The following CUX2 variants were observed in gnomAD, a reference collection of about 807,000 sequenced individuals.
The protein encoded by CUX2 is homeobox protein cut-like 2.
A neutral mutation model predicts 144.8 loss-of-function variants in CUX2; 40 were observed. The observed-to-expected ratio is 0.28, with a 90% CI of 0.21 to 0.36. The LOEUF is 0.36. Ranked by LOEUF, CUX2 falls within the 10% of genes least tolerant of loss-of-function variation. The pLI is 1.00. For missense variants in CUX2, 1,615 were observed against 1,994.0 expected, an observed-to-expected ratio of 0.81 and a Z score of 3.62; for synonymous variants, 827 against 875.6, an observed-to-expected ratio of 0.94 and a Z score of 0.98.
intron 1 of CUX2, among the ~76,000 whole-genome samples, chr12:111,138,826 C>T (rs533537209): frequency 6.6e-6 from 1 of 152,160 alleles, no homozygotes; most frequent in South Asian, 2.1e-4. Context: ...AAAGCCTGGC[C>T]CGCTTCCCTC....
rs756580704 is a variant in CUX2 at position 111,348,104 on chromosome 12, C to T, written c.4240C>T (p.Pro1414Ser). 6 of 1,613,992 alleles carry T rather than the reference C, an allele frequency of 3.7e-6. No individual in the cohort carries two copies. The South Asian group carries it at 5.5e-5, about 15-fold the overall frequency. ...CCTCATGATGTCTGTGTCACCTGTC[C>T]CCTCCTCCTCAGCTCCCATCTCCCC... ...PGLMMSVSPV[P>S]SSSAPISPSP... The change falls in exon 22 of 22, where the codon CCC becomes TCC. Residue 1414 changes from proline (P) to serine (S), a missense_variant. Coordinates refer to ENST00000261726, the MANE Select transcript of CUX2 (RefSeq NM_015267.4).
chr12:111,100,220 T>C, intron 1 of CUX2: 1 of 362,260 alleles, frequency 2.8e-6, no homozygotes, highest in South Asian at 2.1e-5. Context: ...TGTGTGCTTG[T>C]GTCTGTGTGT....
At position 111,287,295 on chromosome 12, in the gene CUX2, G is replaced by A. The variant is rs187228781; in HGVS notation, c.302-4123G>A. On this transcript the variant is annotated intron_variant, in intron 4 of 21. Transcript: ENST00000261726. The surrounding 1 kb of genome is among the most constrained non-coding windows in gnomAD (Gnocchi z 4.2). ...CAGCAGGGCCCCTGGGCCACGAGCC[G>A]GATCCTCCCCCTCCTTGGAACCGGA... 3.3e-5 allele frequency among the ~76,000 whole-genome samples: 5 copies of A among 152,368 alleles called. No individual in the cohort carries two copies. Among genetic ancestry groups the A allele is most frequent in the South Asian group, 2.1e-4 (1 of 4,834 alleles).
intron 15 of CUX2, among the ~76,000 whole-genome samples, chr12:111,311,372 C>T (rs555705838): frequency 7.9e-5 from 12 of 152,254 alleles, no homozygotes; most frequent in African/African-American, 2.9e-4. Context: ...ACTGCAACCT[C>T]TGCCTCCTGG....
At chr12:111,334,396 G>A (rs1440313060) in intron 18 of CUX2, 45 bp from the exon 19 acceptor site, 2 of 1,529,824 alleles carry the variant, frequency 1.3e-6, no homozygotes, top group South Asian at 2.6e-5. Flanking sequence ...GGATGTGTCT[G>A]TGCCAGATTA....
intron 18 of CUX2, among the ~76,000 whole-genome samples, chr12:111,328,518 T>C (rs974422908): frequency 1.3e-5 from 2 of 151,738 alleles, no homozygotes; most frequent in Non-Finnish European, 2.9e-5. Context: ...CCTGTCCCCA[T>C]ACACAGTCCC....
At chr12:111,327,781 G>T (rs1887887285) in intron 18 of CUX2, among the ~76,000 whole-genome samples, 1 of 152,170 alleles carries the variant, frequency 6.6e-6, no homozygotes, top group Non-Finnish European at 1.5e-5. Context: ...CCAAGGCTAG[G>T]CACAGTGCGT....
chr12:111,336,730 G>C (rs558837961), intron 19 of CUX2, among the ~76,000 whole-genome samples: 1 of 152,014 alleles, frequency 6.6e-6, no homozygotes, highest in African/African-American at 2.4e-5. Flanking sequence ...TTACAGGTGT[G>C]AGCCACCGTG....
In CUX2 at chr12:111,246,508, T is replaced by G. The variant is rs555899577; in HGVS notation, c.223-17253T>G. On this transcript the variant is annotated intron_variant, in intron 3 of 21. Transcript: ENST00000261726. The surrounding 1 kb of genome is among the most constrained non-coding windows in gnomAD (Gnocchi z 4.0). ...TTATAATGGGGGAACGTGACACTAC[T>G]GTGGCCACATCTTCCAATTCTTCCA... Among the ~76,000 whole-genome samples the G allele has an allele frequency of 1.3e-5, 2 of 152,342 alleles. No individual in the cohort carries two copies. The highest frequency in any genetic ancestry group is 6.5e-5 in the Admixed American group (1 of 15,302).
At chr12:111,055,699 G>C (rs1004015735) in intron 1 of CUX2, among the ~76,000 whole-genome samples, 1 of 152,040 alleles carries the variant, frequency 6.6e-6, no homozygotes, top group East Asian at 1.9e-4. Context: ...GAGCTTGCCC[G>C]ACTGCCCCAG....
At chr12:111,292,432 A>C (rs1284006145) in intron 5 of CUX2, among the ~76,000 whole-genome samples, 2 of 152,140 alleles carry the variant, frequency 1.3e-5, no homozygotes, top group African/African-American at 2.4e-5. Flanking sequence ...TCTACTAAAA[A>C]TACAAAAATT....
intron 3 of CUX2, among the ~76,000 whole-genome samples, chr12:111,258,872 C>CT: frequency 6.6e-6 from 1 of 152,112 alleles, no homozygotes; most frequent in African/African-American, 2.4e-5. Flanking sequence ...GATTATTTTT[C>CT]TTTTTTTGAA....
At chr12:111,161,152 C>G (rs374338290) in intron 1 of CUX2, among the ~76,000 whole-genome samples, 1 of 152,114 alleles carries the variant, frequency 6.6e-6, no homozygotes, top group Non-Finnish European at 1.5e-5. Flanking sequence ...GAGCCAGAGC[C>G]CTGGATCACT....
rs1227047616 is a variant in CUX2 at position 111,328,941 on chromosome 12, ATCTCTC to A, written c.2927-5471_2927-5466del. On this transcript the variant is annotated intron_variant, in intron 18 of 21. Transcript: ENST00000261726. ...CACTCTGCATTTTTTTGATTCACCT[ATCTCTC>A]TCTCTCTCTCTCTCTCTCTCTCTCT... 7.8e-3 allele frequency among the ~76,000 whole-genome samples: 226 copies of A among 28,986 alleles called. 2 individuals are homozygous for A. The highest frequency in any genetic ancestry group is 0.051 in the African/African-American group (194 of 3,768). The allele number at this position is 28,986 out of a possible 152,430, so 19.0% of individuals were successfully genotyped here.
At chr12:111,099,481 T>A (rs1263158171) in intron 1 of CUX2, 4 of 452,160 alleles carry the variant, frequency 8.8e-6, no homozygotes, top group African/African-American at 6.0e-5. Flanking sequence ...CTGGGAGGTA[T>A]GAGGTGAGAC....
chr12:111,318,907 T>G (rs1343582557), intron 16 of CUX2, among the ~76,000 whole-genome samples: 1 of 151,982 alleles, frequency 6.6e-6, no homozygotes, highest in Non-Finnish European at 1.5e-5. Context: ...TCAGACAATT[T>G]GACTGCCTCA....
chr12:111,339,284 T>G (rs1888484782), intron 20 of CUX2, among the ~76,000 whole-genome samples: 1 of 151,912 alleles, frequency 6.6e-6, no homozygotes, highest in Non-Finnish European at 1.5e-5. Flanking sequence ...CTTGTTGTCC[T>G]TTCACACCTC....
intron 1 of CUX2, among the ~76,000 whole-genome samples, chr12:111,111,314 AAAG>A (rs1273493705): frequency 9.2e-5 from 14 of 152,070 alleles, no homozygotes; most frequent in Non-Finnish European, 2.1e-4. Context: ...AAGAAAAAAA[AAAG>A]AGAGACAATG....
intron 1 of CUX2, among the ~76,000 whole-genome samples, chr12:111,069,561 T>C (rs78812531): frequency 0.067 from 9,790 of 146,858 alleles, 1,061 homozygotes; most frequent in African/African-American, 0.24. Context: ...TGCGCGCGCG[T>C]GTGTGTGTGT....
Sources: gnomAD v4.1 joint callset for allele counts (sites outside exome capture counted in the v4.1 genomes callset) on GRCh38, gnomAD v4.1.1 for gene constraint, Gnocchi (gnomAD v3.1) non-coding constraint, MANE v1.5 for transcripts, NCBI Gene and HGNC (gene_info 2026-07-23, HGNC 2026-07-21) for gene names.